Variants in MICU1 observed in about 807,000 individuals in gnomAD.
The protein encoded by MICU1 is mitochondrial calcium uptake 1, also known as calcium uptake protein 1, mitochondrial.
A neutral mutation model predicts 56.8 loss-of-function variants in MICU1; 45 were observed. The observed-to-expected ratio is 0.79, with a 90% CI of 0.62 to 1.02. The LOEUF is 1.02. MICU1 is among the 50% of genes least tolerant of loss of function. MICU1 has a pLI of 0.00. For synonymous variants in MICU1, 186 were observed against 195.1 expected, an observed-to-expected ratio of 0.95 and a Z score of 0.39; for missense variants, 504 against 587.1, an observed-to-expected ratio of 0.86 and a Z score of 1.46.
At chr10:72,475,530 G>C (rs1866091704) in intron 7 of MICU1, among the ~76,000 whole-genome samples, 1 of 151,758 alleles carries the variant, frequency 6.6e-6, no homozygotes, top group Admixed American at 6.6e-5. Flanking sequence ...CCGGGTTCAA[G>C]CAATTCTCAT....
chr10:72,549,945 AGAG>A (rs1839992874), intron 4 of MICU1, among the ~76,000 whole-genome samples: 1 of 151,372 alleles, frequency 6.6e-6, no homozygotes, highest in East Asian at 1.9e-4. Context: ...AAAAAAAAAA[AGAG>A]AATTAGTTTC....
chr10:72,459,354 A>T (rs1865579628), intron 8 of MICU1, among the ~76,000 whole-genome samples: 1 of 152,128 alleles, frequency 6.6e-6, no homozygotes, highest in Non-Finnish European at 1.5e-5. Context: ...AAACCAAAAA[A>T]CCAAAAAACC....
chr10:72,552,553 A>T (rs1840060180), intron 3 of MICU1, among the ~76,000 whole-genome samples: 1 of 151,984 alleles, frequency 6.6e-6, no homozygotes, highest in Non-Finnish European at 1.5e-5. Flanking sequence ...ATTTTATTTT[A>T]TTTATTTATT....
At chr10:72,532,810 A>T in intron 5 of MICU1, 4 of 968,120 alleles carry the variant, frequency 4.1e-6, no homozygotes, top group Non-Finnish European at 4.9e-6. Context: ...CTTAGCTGAG[A>T]TCTCTCCCAA....
At chr10:72,562,856 G>A (rs1840334122) in intron 3 of MICU1, 39 bp downstream of exon 3, 2 of 1,468,786 alleles carry the variant, frequency 1.4e-6, no homozygotes, top group Non-Finnish European at 1.8e-6. Context: ...TCTACTTTAA[G>A]ATATACTTCT....
intron 6 of MICU1, among the ~76,000 whole-genome samples, chr10:72,495,036 G>A (rs1426015610): frequency 6.6e-6 from 1 of 152,166 alleles, no homozygotes; most frequent in African/African-American, 2.4e-5. Flanking sequence ...TTATTTGACA[G>A]TTGTGTTATA....
chr10:72,415,775 T>G (rs1047842536), intron 9 of MICU1, among the ~76,000 whole-genome samples: 4 of 152,158 alleles, frequency 2.6e-5, no homozygotes, highest in Admixed American at 2.6e-4. Context: ...CCCTAAAAAC[T>G]TGTGCTTATT....
At chr10:72,569,235 A>ATTTTTTTTTT (rs1245936809) in intron 1 of MICU1, among the ~76,000 whole-genome samples, 804 of 42,496 alleles carry the variant, frequency 0.019, 23 homozygotes, top group Middle Eastern at 0.06. Context: ...ATATATATAT[A>ATTTTTTTTTT]TATTTTTTTT....
At chr10:72,395,242 C>G (rs1205557098) in intron 10 of MICU1, among the ~76,000 whole-genome samples, 1 of 151,964 alleles carries the variant, frequency 6.6e-6, no homozygotes, top group African/African-American at 2.4e-5. Context: ...GTCTCGATCT[C>G]CTGACCTTGT....
chr10:72,568,177 T>C (rs1042626931), intron 1 of MICU1, among the ~76,000 whole-genome samples: 66 of 152,162 alleles, frequency 4.3e-4, no homozygotes, highest in African/African-American at 1.5e-3. Flanking sequence ...TTGGAAGCCC[T>C]CCTCCCTACC....
chr10:72,496,254 A>G (rs181409562), intron 6 of MICU1, among the ~76,000 whole-genome samples: 1 of 151,080 alleles, frequency 6.6e-6, no homozygotes, highest in Admixed American at 6.6e-5. Flanking sequence ...CAGCCTCCTG[A>G]GCAGCTGGGA....
intron 1 of MICU1, among the ~76,000 whole-genome samples, chr10:72,619,360 G>T (rs1228388794): frequency 6.6e-6 from 1 of 152,218 alleles, no homozygotes; most frequent in Non-Finnish European, 1.5e-5. Context: ...CAGGAGAACG[G>T]TGTGAACCCA....
At chr10:72,392,713 T>C (rs538477868) in intron 10 of MICU1, among the ~76,000 whole-genome samples, 10 of 152,394 alleles carry the variant, frequency 6.6e-5, no homozygotes, top group Admixed American at 1.3e-4. Context: ...CATTTCTTCC[T>C]CTTTTCTAAG....
At chr10:72,555,219 G>C (rs1840131198) in intron 3 of MICU1, among the ~76,000 whole-genome samples, 1 of 152,164 alleles carries the variant, frequency 6.6e-6, no homozygotes, top group Non-Finnish European at 1.5e-5. Context: ...CTAAGAAAGA[G>C]GGGCTATGAG....
chr10:72,602,736 T>C (rs567460975), intron 1 of MICU1, among the ~76,000 whole-genome samples: 4 of 152,326 alleles, frequency 2.6e-5, no homozygotes, highest in Admixed American at 6.5e-5. Flanking sequence ...GACTTCCTTT[T>C]TTAAATAAGA....
intron 10 of MICU1, among the ~76,000 whole-genome samples, chr10:72,401,874 C>A (rs904970080): frequency 6.6e-6 from 1 of 152,158 alleles, no homozygotes; most frequent in African/African-American, 2.4e-5. Context: ...CATTTCCCTG[C>A]CTCCTGTAGC....
chr10:72,368,383 A>G (rs756827177), intron 11 of MICU1, 28 bp from the exon 12 acceptor site: 5 of 1,605,642 alleles, frequency 3.1e-6, no homozygotes, highest in South Asian at 1.1e-5. Flanking sequence ...AACAACAGGG[A>G]TAAGTGTTGG....
chr10:72,427,717 T>C (rs1185699392), intron 8 of MICU1, among the ~76,000 whole-genome samples: 2 of 144,668 alleles, frequency 1.4e-5, no homozygotes, highest in Non-Finnish European at 3.0e-5. Context: ...TTCAGCATCA[T>C]AGACCCCATC....
intron 9 of MICU1, among the ~76,000 whole-genome samples, chr10:72,422,857 G>A (rs779645446): frequency 4.9e-5 from 2 of 40,858 alleles, no homozygotes; most frequent in African/African-American, 1.5e-4. Flanking sequence ...TTATGGGCAC[G>A]CGCCACCATG....
Sources: gnomAD v4.1 joint callset for allele counts (sites outside exome capture counted in the v4.1 genomes callset) on GRCh38, gnomAD v4.1.1 for gene constraint, MANE v1.5 for transcripts, NCBI Gene and HGNC (gene_info 2026-07-23, HGNC 2026-07-21) for gene names.